Variants in VWF observed in about 807,000 individuals in gnomAD.
VWF encodes the protein Factor VIII related antigen.
In VWF, 176 loss-of-function variants were observed where a neutral mutation model predicts 308.6. That is an observed-to-expected ratio of 0.57 (90% CI 0.50 to 0.65). The LOEUF is 0.65. VWF is among the 30% of genes least tolerant of loss of function. VWF has a pLI of 0.00. For missense variants in VWF, 3,146 were observed against 3,648.2 expected, an observed-to-expected ratio of 0.86 and a Z score of 3.55; for synonymous variants, 1,385 against 1,443.4, an observed-to-expected ratio of 0.96 and a Z score of 0.92.
rs562848679 is a variant in VWF at position 6,024,852 on chromosome 12, G to C, written c.3222+728C>G. The stretch of plus-strand genomic sequence containing the variant: ...AGCCTGACCAACATGGTGAAACCTT[G>C]ACTCTACTAAAAATACAAAAATTAG... On this transcript the variant is annotated intron_variant, in intron 24 of 51. Coordinates refer to ENST00000261405, the MANE Select transcript of VWF (RefSeq NM_000552.5). This position sits in a 1 kb window ranked among gnomAD's most constrained non-coding sequence, Gnocchi z 4.0. Among the ~76,000 whole-genome samples the C allele has an allele frequency of 9.9e-5, 15 of 152,250 alleles. No homozygotes were observed. In the East Asian group the frequency reaches 2.9e-3, roughly 29 times the overall value.
At position 6,046,786 on chromosome 12, in the gene VWF, T is replaced by C. The variant is rs1187711769; in HGVS notation, c.2218A>G (p.Met740Val). ...YCEDGFMHCT[M>V]SGVPGSLLPD... is the part of the protein sequence containing the mutation. ...AGCAAGCTTCCGGGGACTCCACTCA[T>C]GGTACAGTGCATGAAGCCATCCTCA... Residue 740 changes from methionine (M) to valine (V), a missense_variant, in exon 17 of 52, where the codon ATG becomes GTG. This residue lies in a region of VWF where 1,304 missense variants were observed against 1,353.0 expected (regional missense o/e 0.96). Coordinates refer to ENST00000261405, the MANE Select transcript of VWF (RefSeq NM_000552.5). This position sits in a 1 kb window ranked among gnomAD's most constrained non-coding sequence, Gnocchi z 5.0. The C allele has an allele frequency of 6.2e-7, 1 of 1,614,018 alleles. No homozygotes were observed. Among genetic ancestry groups the C allele is most frequent in the Non-Finnish European group, 8.5e-7 (1 of 1,180,038 alleles).
intron 18 of VWF, among the ~76,000 whole-genome samples, chr12:6,038,049 C>T (rs374030046): frequency 6.6e-6 from 1 of 152,156 alleles, no homozygotes; most frequent in East Asian, 1.9e-4. Flanking sequence ...AGGTTGACCC[C>T]ACTCTTGGTA....
At chr12:6,088,055 G>A (rs1002598481) in intron 6 of VWF, among the ~76,000 whole-genome samples, 1 of 152,198 alleles carries the variant, frequency 6.6e-6, no homozygotes, top group Non-Finnish European at 1.5e-5. Flanking sequence ...AGTCCACACA[G>A]TGGCAACACA....
chr12:6,114,345 G>A (rs1689333921), intron 3 of VWF, among the ~76,000 whole-genome samples: 1 of 152,174 alleles, frequency 6.6e-6, no homozygotes. Flanking sequence ...CTTAAGCAAG[G>A]TACTCGTTCC....
intron 37 of VWF, among the ~76,000 whole-genome samples, chr12:5,993,647 G>GTA (rs1219043239): frequency 1.2e-4 from 17 of 146,506 alleles, no homozygotes; most frequent in African/African-American, 4.2e-4. Context: ...GTGTGTGTGT[G>GTA]TGTATATATA....
intron 31 of VWF, among the ~76,000 whole-genome samples, chr12:6,015,464 C>T (rs527681771): frequency 2.4e-4 from 36 of 151,912 alleles, no homozygotes; most frequent in African/African-American, 7.3e-4. Flanking sequence ...CAGGTGGCCA[C>T]GAGGGGACTC....
At position 5,953,490 on chromosome 12, in the gene VWF, T is replaced by C; in HGVS notation, c.7986+6A>G. On this transcript the variant is annotated splice_donor_region_variant and intron_variant, in intron 48 of 51. Coordinates refer to ENST00000261405, the MANE Select transcript of VWF (RefSeq NM_000552.5). ...TGAGGGAGCCCTGCATTCAGCTTGC[T>C]CCTACCTTCAGTGTCATGATCTGTC... The C allele has an allele frequency of 6.2e-7, 1 of 1,613,718 alleles. No homozygotes were observed.
In VWF at chr12:6,019,108, G is replaced by C; in HGVS notation, c.4310C>G (p.Ala1437Gly). 6.2e-7 allele frequency: 1 copy of C among 1,613,884 alleles called. No individual in the cohort carries two copies. The highest frequency in any genetic ancestry group is 2.2e-5 in the East Asian group (1 of 44,860). The change falls in exon 28 of 52, where the codon GCC becomes GGC. Residue 1437 changes from alanine (A) to glycine (G), a missense_variant. This residue lies in a region of VWF where 853 missense variants were observed against 1,177.8 expected (regional missense o/e 0.72). Transcript: ENST00000261405. The surrounding 1 kb of genome is among the most constrained non-coding windows in gnomAD (Gnocchi z 5.8). The stretch of plus-strand genomic sequence containing the variant: ...CTCATCCACACTGCTCAGCACGAAG[G>C]CCTTGTTCTCAGGGGCCTGCTTCTC... Reference protein sequence around the residue: ...LIEKQAPENKAFVLSSVDELE... With the variant: ...LIEKQAPENKGFVLSSVDELE...
intron 19 of VWF, 21 bp from the exon 20 acceptor site, chr12:6,034,847 G>T: frequency 1.2e-6 from 2 of 1,612,866 alleles, no homozygotes; most frequent in Non-Finnish European, 1.7e-6. Flanking sequence ...TCATGGCAGA[G>T]ATGACAAGTT....
intron 18 of VWF, among the ~76,000 whole-genome samples, chr12:6,038,139 G>A (rs1944358088): frequency 6.6e-6 from 1 of 152,184 alleles, no homozygotes; most frequent in East Asian, 1.9e-4. Flanking sequence ...CTTGGTAGGA[G>A]CTGGCAGGGC....
At chr12:5,961,365 TTGAAC>T (rs1466119492) in intron 47 of VWF, among the ~76,000 whole-genome samples, 4 of 152,182 alleles carry the variant, frequency 2.6e-5, no homozygotes, top group African/African-American at 4.8e-5. Context: ...ACTGCTGCTG[TTGAAC>T]ACACAACTAT....
Position 6,017,507 on chromosome 12 carries a change from G to T in VWF, c.5054-637C>A, listed in dbSNP as rs150760098. On this transcript the variant is annotated intron_variant, in intron 28 of 51. Transcript: ENST00000261405. The stretch of plus-strand genomic sequence containing the variant: ...TGTGACTCAAAAGATACTAAAAGAA[G>T]GCTTATTATTCTGGGATGGTCCCAA... 4.5e-3 allele frequency among the ~76,000 whole-genome samples: 680 copies of T among 152,300 alleles called. 8 individuals carry two copies. The highest frequency in any genetic ancestry group is 0.016 in the African/African-American group (651 of 41,556).
intron 38 of VWF, among the ~76,000 whole-genome samples, chr12:5,987,091 C>A (rs1468586961): frequency 6.6e-6 from 1 of 152,100 alleles, no homozygotes; most frequent in Non-Finnish European, 1.5e-5. Flanking sequence ...CCATACCCAG[C>A]TAATTTTTGT....
rs190118124 is a variant in VWF, at chr12:6,065,050, C to T, written c.1293+87G>A. 81 of 1,589,028 alleles carry T rather than the reference C, an allele frequency of 5.1e-5. No individual in the cohort carries two copies. In the East Asian group the frequency reaches 1.4e-3, roughly 27 times the overall value. Reference sequence around the variant, plus strand: ...CTCATGCACAGAAAGCAATGCCCCACGCCTTCCAGGGACTGCCCATTCAGC... The same window carrying T: ...CTCATGCACAGAAAGCAATGCCCCATGCCTTCCAGGGACTGCCCATTCAGC... On this transcript the variant is annotated intron_variant, in intron 11 of 51. Transcript: ENST00000261405.
rs145955543 is a variant in VWF at position 5,969,389 on chromosome 12, G to A, written c.7551C>T (p.Val2517=). The change falls in exon 45 of 52, where the codon GTC becomes GTT. Residue 2517 remains valine, a splice_region_variant and synonymous_variant. Transcript: ENST00000261405. ...RGDSQSSWKS[V]GSQWASPENP... ...TCTCCGGGGAGGCCCACTGGGAGCC[G>A]ACCTGCAGGGCACCAGAGTTAGTCC... 132 of 1,614,166 alleles carry A rather than the reference G, an allele frequency of 8.2e-5. No individual in the cohort carries two copies. The highest frequency in any genetic ancestry group is 3.3e-4 in the Middle Eastern group (2 of 6,062).
chr12:6,006,571 A>G (rs1191986303), intron 34 of VWF, among the ~76,000 whole-genome samples: 3 of 152,210 alleles, frequency 2.0e-5, no homozygotes, highest in Non-Finnish European at 4.4e-5. Flanking sequence ...AGAGATCAGG[A>G]GATCGAGACC....
chr12:6,051,286 CTTTTTTTTTT>C (rs55842185), intron 16 of VWF, among the ~76,000 whole-genome samples: 12 of 117,510 alleles, frequency 1.0e-4, no homozygotes, highest in East Asian at 2.5e-4. Context: ...TTCTTTTTTT[CTTTTTTTTTT>C]TTTTTTTTTT....
Position 6,050,267 on chromosome 12 carries a change from T to C in VWF, c.2186+2276A>G, listed in dbSNP as rs564129531. Reference sequence around the variant, plus strand: ...CTCCTCCTCTCAAACATCCCACTAGTCCATCTGCTTTCCCAGCGTCTCTGG... The same window carrying C: ...CTCCTCCTCTCAAACATCCCACTAGCCCATCTGCTTTCCCAGCGTCTCTGG... On this transcript the variant is annotated intron_variant, in intron 16 of 51. Coordinates refer to ENST00000261405, the MANE Select transcript of VWF (RefSeq NM_000552.5). Among the ~76,000 whole-genome samples, 9 of 152,292 alleles carry C rather than the reference T, an allele frequency of 5.9e-5. No homozygotes were observed. The East Asian group carries it at 1.7e-3, about 29-fold the overall frequency.
chr12:6,090,633 G>A (rs58849233), intron 6 of VWF, among the ~76,000 whole-genome samples: 6 of 23,620 alleles, frequency 2.5e-4, no homozygotes, highest in Non-Finnish European at 4.1e-4. Flanking sequence ...CCTCCTTCTC[G>A]TCCTCCTCCT....
Sources: allele counts gnomAD v4.1 joint callset (sites outside exome capture counted in the v4.1 genomes callset), GRCh38; gene constraint gnomAD v4.1.1; regional missense constraint gnomAD v4.1.1; non-coding constraint Gnocchi (gnomAD v3.1); transcripts MANE v1.5; gene names NCBI Gene and HGNC (gene_info 2026-07-23, HGNC 2026-07-21).